The following RB1 variants were observed in gnomAD, a reference collection of about 807,000 sequenced individuals.
RB1 encodes the protein retinoblastoma-associated protein.
RB1 carries 18 observed loss-of-function variants against 135.4 expected under a neutral mutation model. The ratio of observed to expected loss-of-function variants is 0.13; its 90% CI spans 0.09 to 0.20. RB1 has a LOEUF of 0.20. Among genes scored for constraint, RB1 ranks in the 10% least tolerant of loss-of-function variants. The pLI is 1.00. For missense variants in RB1, 868 were observed against 1,110.0 expected, an observed-to-expected ratio of 0.78 and a Z score of 3.10; for synonymous variants, 365 against 373.2, an observed-to-expected ratio of 0.98 and a Z score of 0.25.
At chr13:48,344,549 T>C (rs1441443123) in intron 3 of RB1, among the ~76,000 whole-genome samples, 1 of 151,810 alleles carries the variant, frequency 6.6e-6, no homozygotes, top group Non-Finnish European at 1.5e-5. Context: ...AGGGGTGGGG[T>C]AAGTCCAGAA....
chr13:48,420,296 T>C (rs1213407914), intron 17 of RB1, among the ~76,000 whole-genome samples: 3 of 152,224 alleles, frequency 2.0e-5, no homozygotes, highest in African/African-American at 7.2e-5. Context: ...CACATGATTA[T>C]GTCAATAGAT....
chr13:48,334,777 G>A lies in RB1; in HGVS notation c.265-7822G>A, dbSNP rs531586430. ...TTGTTTAAAAAAGCGAGTATAAGTT[G>A]TCACTAATTAGGGGTTATCATTAGA... On this transcript the variant is annotated intron_variant, in intron 2 of 26. Coordinates refer to ENST00000267163, the MANE Select transcript of RB1 (RefSeq NM_000321.3). 2.0e-5 allele frequency among the ~76,000 whole-genome samples: 3 copies of A among 152,226 alleles called. No homozygotes were observed. In the South Asian group the frequency reaches 6.2e-4, roughly 32 times the overall value.
intron 17 of RB1, among the ~76,000 whole-genome samples, chr13:48,432,135 C>T (rs1682596670): frequency 2.0e-5 from 3 of 152,040 alleles, no homozygotes; most frequent in Non-Finnish European, 4.4e-5. Flanking sequence ...CAAAGAAGGC[C>T]TTGCTAATAA....
chr13:48,345,334 C>T, intron 4 of RB1, 135 bp downstream of exon 4: 5 of 1,002,012 alleles, frequency 5.0e-6, no homozygotes, highest in Non-Finnish European at 7.3e-6. Context: ...TTAATGTTAG[C>T]TCATTAATTC....
chr13:48,311,210 C>T (rs1952127093), intron 2 of RB1, among the ~76,000 whole-genome samples: 1 of 152,156 alleles, frequency 6.6e-6, no homozygotes, highest in Non-Finnish European at 1.5e-5. Flanking sequence ...TTTTGTTATA[C>T]ATACATATAT....
At chr13:48,383,454 C>A (rs981900410) in intron 17 of RB1, among the ~76,000 whole-genome samples, 24 of 152,100 alleles carry the variant, frequency 1.6e-4, no homozygotes, top group African/African-American at 5.5e-4. Context: ...AAGTATATAT[C>A]TTTTAATTTG....
chr13:48,477,460 A>G, intron 26 of RB1, 56 bp downstream of exon 26: 1 of 1,381,432 alleles, frequency 7.2e-7, no homozygotes, highest in Non-Finnish European at 1.0e-6. Flanking sequence ...ACACTGCAAG[A>G]AGTCTTTTCG....
At position 48,362,781 on chromosome 13, in the gene RB1, A is replaced by G. The variant is rs756604354; in HGVS notation, c.719-34A>G. The G allele has an allele frequency of 3.8e-6, 6 of 1,594,538 alleles. 1 individual carries two copies. The South Asian group carries it at 5.5e-5, about 15-fold the overall frequency. On this transcript the variant is annotated intron_variant, in intron 7 of 26. Coordinates refer to ENST00000267163, the MANE Select transcript of RB1 (RefSeq NM_000321.3). Reference sequence around the variant, plus strand: ...CTTCATTATTTTATATGATGGATGTACAATTGTTCTTATCTAATTTACCAC... The same window carrying G: ...CTTCATTATTTTATATGATGGATGTGCAATTGTTCTTATCTAATTTACCAC...
intron 15 of RB1, 35 bp from the exon 16 acceptor site, chr13:48,380,130 G>C (rs1242690082): frequency 6.8e-7 from 1 of 1,479,282 alleles, no homozygotes; most frequent in Non-Finnish European, 9.1e-7. Context: ...TTTTATAGAA[G>C]TAAGTATTTT....
intron 2 of RB1, chr13:48,333,028 A>G: frequency 5.0e-6 from 2 of 398,418 alleles, no homozygotes; most frequent in Non-Finnish European, 8.9e-6. Flanking sequence ...TACTCCGCTC[A>G]CCTGTTTTCA....
intron 17 of RB1, among the ~76,000 whole-genome samples, chr13:48,442,626 G>T (rs1357418585): frequency 1.3e-5 from 2 of 152,048 alleles, no homozygotes; most frequent in Admixed American, 1.3e-4. Context: ...AGTAATGATG[G>T]GTGAGGACTT....
At chr13:48,404,804 T>C (rs1192944419) in intron 17 of RB1, among the ~76,000 whole-genome samples, 1 of 152,040 alleles carries the variant, frequency 6.6e-6, no homozygotes, top group African/African-American at 2.4e-5. Flanking sequence ...GAATTATAGG[T>C]GTGAGCCACC....
chr13:48,418,913 A>T (rs1948960983), intron 17 of RB1, among the ~76,000 whole-genome samples: 2 of 152,134 alleles, frequency 1.3e-5, no homozygotes, highest in Non-Finnish European at 2.9e-5. Context: ...CTACAAAGAG[A>T]CTTAGACTCC....
chr13:48,458,874 A>C (rs1019665183), intron 19 of RB1, among the ~76,000 whole-genome samples: 27 of 152,206 alleles, frequency 1.8e-4, no homozygotes, highest in African/African-American at 6.0e-4. Context: ...ACATATAGGT[A>C]ATCTACAAGT....
At chr13:48,411,463 C>T (rs1030629515) in intron 17 of RB1, 1 of 1,612,776 alleles carries the variant, frequency 6.2e-7, no homozygotes, top group African/African-American at 1.3e-5. Flanking sequence ...TTCTCTGCAC[C>T]ATGAACTTCA....
intron 17 of RB1, among the ~76,000 whole-genome samples, chr13:48,400,910 T>A (rs1948686218): frequency 6.6e-6 from 1 of 152,116 alleles, no homozygotes; most frequent in Non-Finnish European, 1.5e-5. Flanking sequence ...TGGCTTACTA[T>A]AAGTACAGAG....
chr13:48,447,269 A>G (rs1209803769), intron 17 of RB1, among the ~76,000 whole-genome samples: 1 of 152,136 alleles, frequency 6.6e-6, no homozygotes, highest in Non-Finnish European at 1.5e-5. Flanking sequence ...ATTAAAGTTT[A>G]TTTTATACAT....
At chr13:48,362,737 C>T (rs2138111730) in intron 7 of RB1, 78 bp from the exon 8 acceptor site, 1 of 1,452,332 alleles carries the variant, frequency 6.9e-7, no homozygotes, top group African/African-American at 1.4e-5. Context: ...TATTTTTGAC[C>T]TAAGTTATAG....
At chr13:48,378,789 A>G (rs555445129) in intron 13 of RB1, among the ~76,000 whole-genome samples, 2 of 152,308 alleles carry the variant, frequency 1.3e-5, no homozygotes, top group South Asian at 4.1e-4. Flanking sequence ...GCATTGCACT[A>G]CATTACACTA....
Sources: allele counts gnomAD v4.1 joint callset (sites outside exome capture counted in the v4.1 genomes callset), GRCh38; gene constraint gnomAD v4.1.1; transcripts MANE v1.5; gene names NCBI Gene and HGNC (gene_info 2026-07-23, HGNC 2026-07-21).